The following PTK7 variants were observed in gnomAD, a reference collection of about 807,000 sequenced individuals.
PTK7 encodes the protein inactive tyrosine-protein kinase 7.
Under a neutral mutation model 116.6 loss-of-function variants are expected in PTK7, and 39 were observed. The observed-to-expected ratio is 0.33, with a 90% CI of 0.26 to 0.44. The LOEUF is 0.44. Among genes scored for constraint, PTK7 ranks in the 20% least tolerant of loss-of-function variants. The probability of loss-of-function intolerance (pLI) is 1.00; values close to 1 mark genes in which losing one functional copy is unlikely to be tolerated. For synonymous variants in PTK7, 546 were observed against 563.6 expected (o/e 0.97, Z 0.44); for missense variants, 1,169 against 1,425.6 (o/e 0.82, Z 2.90).
chr6:43,150,786 G>GTT (rs1771016233), intron 17 of PTK7, among the ~76,000 whole-genome samples: 6 of 85,570 alleles, frequency 7.0e-5, no homozygotes, highest in African/African-American at 1.6e-4. Context: ...TGTAGACTCA[G>GTT]CTTTTTTTTT....
intron 1 of PTK7, among the ~76,000 whole-genome samples, chr6:43,102,491 G>T (rs1467597735): frequency 6.6e-6 from 1 of 151,514 alleles, no homozygotes; most frequent in Non-Finnish European, 1.5e-5. Context: ...TGGGAGACTG[G>T]GGCAGGAGAA....
intron 17 of PTK7, among the ~76,000 whole-genome samples, chr6:43,155,823 G>C (rs1582225376): frequency 6.6e-6 from 1 of 152,216 alleles, no homozygotes; most frequent in Non-Finnish European, 1.5e-5. Flanking sequence ...TCATATTCTA[G>C]ACTTCGTCTT....
At position 43,132,643 on chromosome 6, in the gene PTK7, A is replaced by G. The variant is rs1441979429; in HGVS notation, c.1184A>G (p.Asn395Ser). ...DAGVYTCHAA[N>S]LAGQRRQDVN... Reference sequence around the variant, plus strand: ...GGTGTCTACACCTGCCACGCGGCCAACCTGGCTGGTCAGCGGAGACAGGAT... The same window carrying G: ...GGTGTCTACACCTGCCACGCGGCCAGCCTGGCTGGTCAGCGGAGACAGGAT... Residue 395 changes from asparagine (N) to serine (S), a missense_variant, in exon 7 of 20, where the codon AAC becomes AGC. By Grantham distance (46) the Asn-to-Ser change is conservative (BLOSUM62 1). Coordinates refer to ENST00000230419, the MANE Select transcript of PTK7 (RefSeq NM_002821.5). The G allele has an allele frequency of 5.0e-6, 8 of 1,584,986 alleles. No individual in the cohort carries two copies. The highest frequency in any genetic ancestry group is 2.7e-5 in the African/African-American group (2 of 74,268).
intron 1 of PTK7, among the ~76,000 whole-genome samples, chr6:43,115,874 G>A (rs1418914467): frequency 4.2e-5 from 6 of 144,174 alleles, no homozygotes; most frequent in Non-Finnish European, 9.0e-5. Flanking sequence ...GTTGCAGTGA[G>A]CCAAGATCGC....
chr6:43,131,982 C>T (rs1434225040), intron 5 of PTK7, 34 bp from the exon 6 acceptor site: 2 of 1,613,064 alleles, frequency 1.2e-6, no homozygotes, highest in Non-Finnish European at 1.7e-6. Context: ...GGCCTATTGG[C>T]CACTTTCTCC....
In PTK7 at chr6:43,121,943, C is replaced by T. The variant is rs116097629; in HGVS notation, c.80-7034C>T. Among the ~76,000 whole-genome samples, 537 of 152,256 alleles carry T rather than the reference C, an allele frequency of 3.5e-3. 1 individual carries two copies. Among genetic ancestry groups the T allele is most frequent in the African/African-American group, 0.012 (510 of 41,556 alleles). On this transcript the variant is annotated intron_variant, in intron 1 of 19. Coordinates refer to ENST00000230419, the MANE Select transcript of PTK7 (RefSeq NM_002821.5). ...TCACTTCAGCCCAGAAGTTCAGTAC[C>T]AGCCTGGGCAACCTAGGGGGACCCC...
chr6:43,097,880 A>G (rs1322210580), intron 1 of PTK7, among the ~76,000 whole-genome samples: 1 of 152,148 alleles, frequency 6.6e-6, no homozygotes, highest in Non-Finnish European at 1.5e-5. Context: ...TTTGTTGCCT[A>G]CAACTCGATG....
chr6:43,102,749 T>C (rs1328104711), intron 1 of PTK7, among the ~76,000 whole-genome samples: 3 of 152,032 alleles, frequency 2.0e-5, no homozygotes, highest in African/African-American at 7.2e-5. Flanking sequence ...TGAAATACAA[T>C]GCTATTTGCA....
At chr6:43,089,189 C>T (rs749918354) in intron 1 of PTK7, among the ~76,000 whole-genome samples, 5 of 152,118 alleles carry the variant, frequency 3.3e-5, no homozygotes, top group Admixed American at 2.0e-4. Flanking sequence ...TTTCTTGTGC[C>T]AGGTGTATCT....
At chr6:43,130,895 A>G (rs1769630441) in intron 5 of PTK7, among the ~76,000 whole-genome samples, 1 of 152,108 alleles carries the variant, frequency 6.6e-6, no homozygotes, top group South Asian at 2.1e-4. Context: ...TGATGGTTCC[A>G]CTTCTCTCTC....
At chr6:43,157,369 T>TC (rs1561990652) in intron 17 of PTK7, among the ~76,000 whole-genome samples, 1 of 83,906 alleles carries the variant, frequency 1.2e-5, no homozygotes, top group African/African-American at 5.6e-5. Context: ...TATATATTTT[T>TC]TTTTTTCTTT....
Position 43,076,545 on chromosome 6 carries a change from C to A in PTK7, c.57C>A (p.Val19=). 2 of 1,577,926 alleles carry A rather than the reference C, an allele frequency of 1.3e-6. No homozygotes were observed. Among genetic ancestry groups the A allele is most frequent in the Non-Finnish European group, 1.7e-6 (2 of 1,167,414 alleles). The part of the protein sequence containing the change: ...ARPRRLPLLS[V]LLLPLLGGTQ... The stretch of plus-strand genomic sequence containing the variant: ...CCCGCCGGTTGCCTCTGCTCAGCGT[C>A]CTGCTGCTGCCGCTGCTGGGCGGTG... The change falls in exon 1 of 20, where the codon GTC becomes GTA. Residue 19 remains valine, a synonymous_variant. Coordinates refer to ENST00000230419, the MANE Select transcript of PTK7 (RefSeq NM_002821.5). The surrounding 1 kb of genome is among the most constrained non-coding windows in gnomAD (Gnocchi z 5.7).
At chr6:43,110,680 G>T (rs1362285258) in intron 1 of PTK7, among the ~76,000 whole-genome samples, 1 of 152,174 alleles carries the variant, frequency 6.6e-6, no homozygotes, top group Non-Finnish European at 1.5e-5. Flanking sequence ...AAAGTGCTGG[G>T]ATTACAGGTT....
intron 17 of PTK7, among the ~76,000 whole-genome samples, chr6:43,147,940 T>G (rs897533660): frequency 5.3e-5 from 8 of 152,100 alleles, no homozygotes; most frequent in Non-Finnish European, 8.8e-5. Flanking sequence ...GACTCCTCAC[T>G]GAGCCAGGTG....
At chr6:43,088,633 A>G (rs983375300) in intron 1 of PTK7, among the ~76,000 whole-genome samples, 2 of 152,248 alleles carry the variant, frequency 1.3e-5, no homozygotes, top group Non-Finnish European at 2.9e-5. Context: ...CAGAGGTTGC[A>G]GTGAGTTGAG....
In PTK7 at chr6:43,129,276, G is replaced by C. The variant is rs761669577; in HGVS notation, c.367+12G>C. ...CTTCAACATCAAATGTGAGAGCCAG[G>C]GGGGCTGTGCCCAGTCCCCCTGTCA... On this transcript the variant is annotated intron_variant, in intron 2 of 19. Coordinates refer to ENST00000230419, the MANE Select transcript of PTK7 (RefSeq NM_002821.5). This position sits in a 1 kb window ranked among gnomAD's most constrained non-coding sequence, Gnocchi z 4.5. The C allele has an allele frequency of 2.5e-6, 4 of 1,613,808 alleles. No individual in the cohort carries two copies. The highest frequency in any genetic ancestry group is 1.7e-5 in the Admixed American group (1 of 60,022).
intron 1 of PTK7, among the ~76,000 whole-genome samples, chr6:43,122,753 C>T (rs1163452137): frequency 6.6e-6 from 1 of 152,024 alleles, no homozygotes; most frequent in African/African-American, 2.4e-5. Context: ...ATTATAGGCA[C>T]GCGCCACCAT....
rs1208111567 is a variant in PTK7, at chr6:43,099,824, C to CTTTTTTTTTTTTTTTT, written c.79+23261_79+23262insTTTTTTTTTTTTTTTT. Among the ~76,000 whole-genome samples the CTTTTTTTTTTTTTTTT allele has an allele frequency of 2.0e-5, 3 of 152,018 alleles. No individual in the cohort carries two copies. In the East Asian group the frequency reaches 5.8e-4, roughly 29 times the overall value. On this transcript the variant is annotated intron_variant, in intron 1 of 19. Coordinates refer to ENST00000230419, the MANE Select transcript of PTK7 (RefSeq NM_002821.5). Reference sequence around the variant, plus strand: ...GTGGCTTACACTTGTAATGCCAGCACTTTTGGAGGCCGAGGCAGGCAGATC... The same window carrying CTTTTTTTTTTTTTTTT: ...GTGGCTTACACTTGTAATGCCAGCACTTTTTTTTTTTTTTTTTTTTGGAGGCCGAGGCAGGCAGATC...
intron 17 of PTK7, among the ~76,000 whole-genome samples, chr6:43,148,762 T>A (rs1770871142): frequency 1.1e-5 from 1 of 91,376 alleles, no homozygotes; most frequent in Non-Finnish European, 1.9e-5. Flanking sequence ...ATAGAGAGGA[T>A]GCTTTTAAAA....
Sources: allele counts gnomAD v4.1 joint callset (sites outside exome capture counted in the v4.1 genomes callset), GRCh38; gene constraint gnomAD v4.1.1; non-coding constraint Gnocchi (gnomAD v3.1); transcripts MANE v1.5; gene names NCBI Gene and HGNC (gene_info 2026-07-23, HGNC 2026-07-21).